The following GALNT17 variants were observed in gnomAD, a reference collection of about 807,000 sequenced individuals.
GALNT17 encodes polypeptide N-acetylgalactosaminyltransferase 17.
GALNT17 carries 29 observed loss-of-function variants against 63.7 expected under a neutral mutation model. The ratio of observed to expected loss-of-function variants is 0.46; its 90% CI spans 0.34 to 0.62. GALNT17 has a LOEUF of 0.62. Among genes scored for constraint, GALNT17 ranks in the 20% least tolerant of loss-of-function variants. GALNT17 has a pLI of 0.01. For missense variants in GALNT17, 603 were observed against 799.6 expected (o/e 0.75, Z 2.97); for synonymous variants, 305 against 318.3 (o/e 0.96, Z 0.45).
chr7:71,192,933 G>A (rs1394818598), intron 1 of GALNT17, among the ~76,000 whole-genome samples: 1 of 151,932 alleles, frequency 6.6e-6, no homozygotes, highest in African/African-American at 2.4e-5. Context: ...GCGGTACCTG[G>A]AGAGGTGATC....
intron 6 of GALNT17, among the ~76,000 whole-genome samples, chr7:71,606,088 T>G (rs2116943803): frequency 6.6e-6 from 1 of 151,320 alleles, no homozygotes; most frequent in African/African-American, 2.4e-5. Flanking sequence ...TACTGGTGTG[T>G]ACCACCACAC....
chr7:71,358,380 G>T (rs1792331810), intron 2 of GALNT17, among the ~76,000 whole-genome samples: 1 of 152,200 alleles, frequency 6.6e-6, no homozygotes. Context: ...GGGCGAGAGA[G>T]TAAGATTCTG....
intron 5 of GALNT17, among the ~76,000 whole-genome samples, chr7:71,435,361 A>T (rs1022004772): frequency 7.9e-5 from 12 of 152,172 alleles, no homozygotes; most frequent in African/African-American, 2.9e-4. Flanking sequence ...AACAAAGATG[A>T]TAACAGCCCT....
intron 1 of GALNT17, among the ~76,000 whole-genome samples, chr7:71,272,770 C>T (rs1245861680): frequency 6.6e-6 from 1 of 152,154 alleles, no homozygotes; most frequent in Non-Finnish European, 1.5e-5. Context: ...CAGACAGTGA[C>T]CAATATGACA....
intron 1 of GALNT17, among the ~76,000 whole-genome samples, chr7:71,282,936 G>C (rs1790803401): frequency 6.6e-6 from 1 of 152,002 alleles, no homozygotes; most frequent in South Asian, 2.1e-4. Flanking sequence ...GAAGGCAGGA[G>C]GGGTTCTGAG....
chr7:71,360,822 C>T (rs1369642490), intron 2 of GALNT17, among the ~76,000 whole-genome samples: 2 of 152,086 alleles, frequency 1.3e-5, no homozygotes, highest in Non-Finnish European at 2.9e-5. Flanking sequence ...CCTGTAATCC[C>T]AGCTACTTGG....
At chr7:71,488,280 G>A (rs1244127084) in intron 5 of GALNT17, among the ~76,000 whole-genome samples, 4 of 151,998 alleles carry the variant, frequency 2.6e-5, no homozygotes, top group African/African-American at 9.7e-5. Context: ...ATTATGGGAT[G>A]TCTGGGCAGG....
chr7:71,712,424 C>A lies in GALNT17; in HGVS notation c.*278C>A. On this transcript the variant is annotated 3_prime_UTR_variant, in exon 11 of 11. Transcript: ENST00000333538. The stretch of plus-strand genomic sequence containing the variant: ...CACAGCCTCTGATGTGGACCTGGTA[C>A]TGAGGAGCAAGACTGTCCAGTTCTC... 3.2e-6 allele frequency: 1 copy of A among 316,218 alleles called. No individual in the cohort carries two copies. Among genetic ancestry groups the A allele is most frequent in the Non-Finnish European group, 6.0e-6 (1 of 167,640 alleles). The allele number at this position is 316,218 out of a possible 1,614,324, so 19.6% of individuals were successfully genotyped here. A position where few individuals can be genotyped will look rare whatever the true frequency, so the allele number is the denominator to read the frequency against.
chr7:71,610,658 A>G (rs1378098801), intron 6 of GALNT17, among the ~76,000 whole-genome samples: 1 of 152,150 alleles, frequency 6.6e-6, no homozygotes, highest in East Asian at 1.9e-4. Context: ...TAATGTGGTC[A>G]TTATTATTAC....
In GALNT17 at chr7:71,263,953, T is replaced by A. The variant is rs565881126; in HGVS notation, c.239-71597T>A. On this transcript the variant is annotated intron_variant, in intron 1 of 10. Coordinates refer to ENST00000333538, the MANE Select transcript of GALNT17 (RefSeq NM_022479.3). ...AAACAAAAAAACAACTTCAGCAATC[T>A]GATGTTTCCATGTGTGGGAGCGAGT... is the stretch of plus-strand genomic sequence containing the variant. Among the ~76,000 whole-genome samples the A allele has an allele frequency of 5.9e-5, 9 of 152,198 alleles. No homozygotes were observed. The South Asian group carries it at 1.9e-3, about 32-fold the overall frequency.
chr7:71,371,135 G>A (rs1221631801), intron 2 of GALNT17, among the ~76,000 whole-genome samples: 1 of 152,216 alleles, frequency 6.6e-6, no homozygotes, highest in Non-Finnish European at 1.5e-5. Context: ...GGGTAACACA[G>A]TGTGTCTCTT....
intron 5 of GALNT17, among the ~76,000 whole-genome samples, chr7:71,442,029 T>G (rs1787076624): frequency 6.6e-6 from 1 of 152,152 alleles, no homozygotes; most frequent in African/African-American, 2.4e-5. Context: ...CAAATGGTAT[T>G]TCTGGTTCTA....
chr7:71,628,332 A>G (rs1420662305), intron 6 of GALNT17, among the ~76,000 whole-genome samples: 1 of 151,824 alleles, frequency 6.6e-6, no homozygotes, highest in African/African-American at 2.4e-5. Flanking sequence ...TTTATTTTTT[A>G]TTTTTTTAAG....
At chr7:71,563,988 G>C (rs1255455251) in intron 5 of GALNT17, among the ~76,000 whole-genome samples, 1 of 152,142 alleles carries the variant, frequency 6.6e-6, no homozygotes, top group African/African-American at 2.4e-5. Context: ...GCCTTCCAAA[G>C]TATGAGGATT....
At chr7:71,366,474 G>A (rs1271879193) in intron 2 of GALNT17, among the ~76,000 whole-genome samples, 6 of 152,174 alleles carry the variant, frequency 3.9e-5, no homozygotes, top group South Asian at 4.2e-4. Context: ...CCAGTTACTC[G>A]GGAGGCTGAA....
At chr7:71,212,210 CCTTGGCTG>C (rs1789393734) in intron 1 of GALNT17, among the ~76,000 whole-genome samples, 1 of 152,224 alleles carries the variant, frequency 6.6e-6, no homozygotes, top group Non-Finnish European at 1.5e-5. Flanking sequence ...GCCACTCCAG[CCTTGGCTG>C]AAAGGGGCCA....
At chr7:71,593,985 G>A (rs1374240581) in intron 6 of GALNT17, among the ~76,000 whole-genome samples, 1 of 151,444 alleles carries the variant, frequency 6.6e-6, no homozygotes, top group East Asian at 1.9e-4. Context: ...AGATGTAAGA[G>A]GCCAAAGGAA....
intron 1 of GALNT17, among the ~76,000 whole-genome samples, chr7:71,308,087 G>T (rs1391079198): frequency 1.3e-5 from 2 of 152,026 alleles, no homozygotes; most frequent in Non-Finnish European, 2.9e-5. Context: ...TTTGTTGCAT[G>T]GGGGCAGTTG....
chr7:71,623,913 A>G (rs1235037409), intron 6 of GALNT17, among the ~76,000 whole-genome samples: 1 of 152,196 alleles, frequency 6.6e-6, no homozygotes, highest in Non-Finnish European at 1.5e-5. Context: ...CCAGTTGCTT[A>G]AAGACCCAAA....
Sources: allele counts gnomAD v4.1 joint callset (sites outside exome capture counted in the v4.1 genomes callset), GRCh38; gene constraint gnomAD v4.1.1; transcripts MANE v1.5; gene names NCBI Gene and HGNC (gene_info 2026-07-23, HGNC 2026-07-21).